GORASP2: variants seen among roughly 807,000 people sequenced by gnomAD.
GORASP2 encodes Golgi reassembly-stacking protein 2.
A neutral mutation model predicts 45.7 loss-of-function variants in GORASP2; 22 were observed. The observed-to-expected ratio is 0.48, with a 90% CI of 0.34 to 0.69. The LOEUF is 0.69. Among genes scored for constraint, GORASP2 ranks in the 30% least tolerant of loss-of-function variants. GORASP2 has a pLI of 0.01. For missense variants in GORASP2, 491 were observed against 562.7 expected, an observed-to-expected ratio of 0.87 and a Z score of 1.29; for synonymous variants, 221 against 215.6, an observed-to-expected ratio of 1.02 and a Z score of -0.22.
chr2:170,954,373 A>G (rs1399048074), intron 5 of GORASP2: 4 of 312,160 alleles, frequency 1.3e-5, no homozygotes, highest in South Asian at 6.3e-5. Flanking sequence ...TTGGATGGTG[A>G]TGAATTCTTG....
At chr2:170,941,963 G>A (rs899406275) in intron 1 of GORASP2, among the ~76,000 whole-genome samples, 1 of 152,110 alleles carries the variant, frequency 6.6e-6, no homozygotes, top group Non-Finnish European at 1.5e-5. Flanking sequence ...ATTCTAACCA[G>A]CAGTAATTGA....
intron 4 of GORASP2, among the ~76,000 whole-genome samples, chr2:170,950,994 G>GA (rs968344974): frequency 1.0e-4 from 15 of 146,988 alleles, no homozygotes; most frequent in Admixed American, 2.0e-4. Flanking sequence ...AAAAAAAGAA[G>GA]AAAAAAAAAA....
chr2:170,943,712 G>A (rs750689355), intron 1 of GORASP2, among the ~76,000 whole-genome samples: 18 of 151,778 alleles, frequency 1.2e-4, no homozygotes, highest in Non-Finnish European at 1.5e-4. Flanking sequence ...TTGCTCTGTC[G>A]CCCAGGCTGA....
At position 170,956,664 on chromosome 2, in the gene GORASP2, A is replaced by G. The variant is rs1704434243; in HGVS notation, c.823+105A>G. On this transcript the variant is annotated intron_variant, in intron 7 of 9. Coordinates refer to ENST00000234160, the MANE Select transcript of GORASP2 (RefSeq NM_015530.5). ...AGTGGCTCACACCTGTAATCCCAGCACTTTGGGAGGCCAAGGCAGGATTGC... is the reference window on the plus strand; with the variant it reads ...AGTGGCTCACACCTGTAATCCCAGCGCTTTGGGAGGCCAAGGCAGGATTGC... 4 of 950,878 alleles carry G rather than the reference A, an allele frequency of 4.2e-6. No homozygotes were observed. In the African/African-American group the frequency reaches 6.7e-5, roughly 16 times the overall value. The allele number at this position is 950,878 out of a possible 1,614,324, so 58.9% of individuals were successfully genotyped here. A position where few individuals can be genotyped will look rare whatever the true frequency, so the allele number is the denominator to read the frequency against.
chr2:170,957,495 T>C (rs774748955), intron 7 of GORASP2, among the ~76,000 whole-genome samples: 16 of 152,094 alleles, frequency 1.1e-4, no homozygotes, highest in Non-Finnish European at 1.8e-4. Context: ...AGGCTGGTCT[T>C]GAACTCCTGA....
At chr2:170,936,562 T>C in intron 1 of GORASP2, 3 of 1,028,874 alleles carry the variant, frequency 2.9e-6, no homozygotes, top group East Asian at 6.0e-5. Flanking sequence ...CCTGTTGGCA[T>C]TGCAAATAAA....
chr2:170,965,955 C>T lies in GORASP2; in HGVS notation c.1184C>T (p.Ser395Phe), dbSNP rs779295689. Residue 395 changes from serine (S) to phenylalanine (F), a missense_variant, in exon 10 of 10, where the codon TCC becomes TTC. This residue lies in a region of GORASP2 where 297 missense variants were observed against 292.3 expected (regional missense o/e 1.02). Coordinates refer to ENST00000234160, the MANE Select transcript of GORASP2 (RefSeq NM_015530.5). ...SSLPPTSNAP[S>F]DPATTTAKAD... ...CTCCCGCCCACCAGCAACGCACCCT[C>T]CGACCCTGCCACAACTACTGCAAAG... 4 of 1,613,988 alleles carry T rather than the reference C, an allele frequency of 2.5e-6. No homozygotes were observed. In the East Asian group the frequency reaches 8.9e-5, roughly 36 times the overall value.
At chr2:170,950,080 C>T (rs1704266404) in intron 3 of GORASP2, 124 bp from the exon 4 acceptor site, 1 of 579,294 alleles carries the variant, frequency 1.7e-6, no homozygotes, top group East Asian at 3.1e-5. Context: ...TGACATCTGA[C>T]ACATCTCTAG....
At position 170,954,684 on chromosome 2, in the gene GORASP2, C is replaced by T; in HGVS notation, c.601C>T (p.Arg201Ter). Residue 201 changes from arginine (R) to a stop codon, truncating the protein, a stop_gained, in exon 6 of 10, where the codon CGA becomes TGA. Coordinates refer to ENST00000234160, the MANE Select transcript of GORASP2 (RefSeq NM_015530.5). LOFTEE classifies it high-confidence loss of function. ...GCGIGYGYLH[R>*]IPTRPFEEGK... ...TGGCATTGGATATGGTTATTTGCAT[C>T]GAATACCTACACGCCCATTTGAGGA... 1 of 1,613,050 alleles carries T rather than the reference C, an allele frequency of 6.2e-7. No homozygotes were observed.
intron 5 of GORASP2, among the ~76,000 whole-genome samples, chr2:170,951,961 A>G (rs993715678): frequency 2.0e-5 from 3 of 152,234 alleles, no homozygotes; most frequent in Non-Finnish European, 2.9e-5. Flanking sequence ...TCTGGCCTAT[A>G]TGGGGCAATA....
At chr2:170,945,516 G>GA (rs200476481) in intron 1 of GORASP2, among the ~76,000 whole-genome samples, 7 of 136,522 alleles carry the variant, frequency 5.1e-5, no homozygotes, top group Non-Finnish European at 1.1e-4. Flanking sequence ...AAAAAAAAAA[G>GA]AAGAAGAAGA....
intron 4 of GORASP2, among the ~76,000 whole-genome samples, chr2:170,950,504 A>G (rs1704276476): frequency 1.3e-5 from 2 of 152,212 alleles, no homozygotes; most frequent in Non-Finnish European, 2.9e-5. Flanking sequence ...CGGCAATTGC[A>G]CAGATTTTAT....
At chr2:170,932,083 C>A (rs1296348592) in intron 1 of GORASP2, among the ~76,000 whole-genome samples, 1 of 152,122 alleles carries the variant, frequency 6.6e-6, no homozygotes, top group African/African-American at 2.4e-5. Flanking sequence ...AAAAATTAGC[C>A]GGGCATGGTA....
At chr2:170,947,314 G>T (rs555192601) in intron 1 of GORASP2, among the ~76,000 whole-genome samples, 1 of 152,128 alleles carries the variant, frequency 6.6e-6, no homozygotes, top group Non-Finnish European at 1.5e-5. Context: ...GTCTAGCTAC[G>T]CATGCTGTGA....
rs1704270099 is a variant in GORASP2, at chr2:170,950,251, C to T, written c.396C>T (p.His132=). Residue 132 remains histidine, a synonymous_variant, in exon 4 of 10, where the codon CAC becomes CAT. Transcript: ENST00000234160. ...CAGCACTGGCAGGTCTTAGACCACA[C>T]AGTGATTATATAATTGGAGCAGATA... ...SPAALAGLRP[H]SDYIIGADTV... is the part of the protein sequence containing the mutation. The T allele has an allele frequency of 1.9e-6, 3 of 1,579,930 alleles. No homozygotes were observed. Among genetic ancestry groups the T allele is most frequent in the Non-Finnish European group, 2.6e-6 (3 of 1,158,698 alleles).
rs1409808654 is a variant in GORASP2, at chr2:170,951,413, G to A, written c.521G>A (p.Arg174Gln). The part of the protein sequence containing the change: ...YVYNTDTDNC[R>Q]EVIITPNSAW... ...TACAACACAGACACTGATAACTGTC[G>A]AGAAGTGATTATTACACCAAATTCT... The change falls in exon 5 of 10, where the codon CGA becomes CAA. Residue 174 changes from arginine to glutamine, a missense_variant. Physicochemically the swap from Arg to Gln is conservative, Grantham distance 43. Coordinates refer to ENST00000234160, the MANE Select transcript of GORASP2 (RefSeq NM_015530.5). The A allele has an allele frequency of 6.2e-7, 1 of 1,612,040 alleles. No individual in the cohort carries two copies. The highest frequency in any genetic ancestry group is 1.1e-5 in the South Asian group (1 of 90,736).
intron 1 of GORASP2, among the ~76,000 whole-genome samples, chr2:170,935,215 A>T (rs963943713): frequency 6.6e-6 from 1 of 152,136 alleles, no homozygotes; most frequent in African/African-American, 2.4e-5. Flanking sequence ...TTCTAATATT[A>T]ATAGGCCTTG....
chr2:170,956,773 G>A (rs1575478014), intron 7 of GORASP2, among the ~76,000 whole-genome samples: 1 of 152,008 alleles, frequency 6.6e-6, no homozygotes, highest in African/African-American at 2.4e-5. Flanking sequence ...AATTAGCCAG[G>A]TGTGGTGGTG....
chr2:170,948,567 A>G (rs1020716638), intron 2 of GORASP2, 137 bp downstream of exon 2: 5 of 576,294 alleles, frequency 8.7e-6, no homozygotes, highest in African/African-American at 5.8e-5. Flanking sequence ...ATAATCATGT[A>G]TTAATAAACA....
Sources: allele counts gnomAD v4.1 joint callset (sites outside exome capture counted in the v4.1 genomes callset), GRCh38; gene constraint gnomAD v4.1.1; regional missense constraint gnomAD v4.1.1; transcripts MANE v1.5; gene names NCBI Gene and HGNC (gene_info 2026-07-23, HGNC 2026-07-21).